LRCH4: variants seen among roughly 807,000 people sequenced by gnomAD.
LRCH4 encodes the protein leucine-rich repeat and calponin homology domain-containing protein 4.
A neutral mutation model predicts 81.2 loss-of-function variants in LRCH4; 56 were observed. That is an observed-to-expected ratio of 0.69 (90% confidence interval 0.56 to 0.86). The LOEUF (loss-of-function observed/expected upper bound fraction) is 0.86, where lower values mean the gene tolerates loss of function less well. Ranked by LOEUF, LRCH4 falls within the 40% of genes least tolerant of loss-of-function variation. The probability of loss-of-function intolerance (pLI) is 0.00; values close to 1 mark genes in which losing one functional copy is unlikely to be tolerated. For missense variants in LRCH4, 895 were observed against 922.8 expected (o/e 0.97, Z 0.39); for synonymous variants, 442 against 409.7 (o/e 1.08, Z -0.95).
Position 100,577,700 on chromosome 7 carries a change from A to T in LRCH4, c.1080T>A (p.His360Gln), listed in dbSNP as rs1801417290. Residue 360 changes from histidine (H) to glutamine (Q), a missense_variant, in exon 9 of 18, where the codon CAT becomes CAA. Physicochemically the swap from His to Gln is conservative, Grantham distance 24 (BLOSUM62 0). Around this residue, in one of 3 missense-constraint regions of LRCH4, gnomAD observed 529 missense variants for 504.9 expected, o/e 1.05. Transcript: ENST00000310300. This position sits in a 1 kb window ranked among gnomAD's most constrained non-coding sequence, Gnocchi z 6.7. ...DPVQIDFIDSHVPGEDEERGT... is the reference protein window; with the variant it reads ...DPVQIDFIDSQVPGEDEERGT... The stretch of plus-strand genomic sequence containing the variant: ...CTCGCTCTTCATCCTCCCCGGGGAC[A>T]TGGCTGTCGATGAAGTCAATCTGCA... 1 of 1,613,990 alleles carries T rather than the reference A, an allele frequency of 6.2e-7. No homozygotes were observed. The highest frequency in any genetic ancestry group is 1.1e-5 in the South Asian group (1 of 91,082).
chr7:100,574,229 G>A lies in LRCH4; in HGVS notation c.*878C>T. Reference sequence around the variant, plus strand: ...GCTCCCGGGGTCCCGGGCGGGGTGGGCCCTGTGCCCCCACCTTCACCCCTA... The same window carrying A: ...GCTCCCGGGGTCCCGGGCGGGGTGGACCCTGTGCCCCCACCTTCACCCCTA... On this transcript the variant is annotated 3_prime_UTR_variant, in exon 18 of 18. Transcript: ENST00000310300. 5.5e-6 allele frequency: 1 copy of A among 181,512 alleles called. No homozygotes were observed. The highest frequency in any genetic ancestry group is 7.0e-5 in the South Asian group (1 of 14,236). 11.2% of individuals were successfully genotyped at this position (181,512 alleles called of 1,614,324 possible).
At chr7:100,576,370 G>A (rs1562804909) in intron 14 of LRCH4, 47 bp from the exon 15 acceptor site, 3 of 1,394,932 alleles carry the variant, frequency 2.2e-6, no homozygotes, top group Non-Finnish European at 3.0e-6. Context: ...GCTCACCACT[G>A]ACTCTGTAGC....
At chr7:100,584,870 T>A (rs1801676489) in intron 1 of LRCH4, 1 of 432,838 alleles carries the variant, frequency 2.3e-6, no homozygotes. Flanking sequence ...GGAAGAGGCC[T>A]GGGCTGGGGT....
In LRCH4 at chr7:100,578,919, C is replaced by A; in HGVS notation, c.599-133G>T. On this transcript the variant is annotated intron_variant, in intron 4 of 17. Transcript: ENST00000310300. This position sits in a 1 kb window ranked among gnomAD's most constrained non-coding sequence, Gnocchi z 5.7. ...AGCCTCTCCCCTGGGTGGCTCAAGT[C>A]ATTCCCCGGGAGAAACCTCCCTGCT... The A allele has an allele frequency of 1.1e-6, 1 of 918,458 alleles. No homozygotes were observed. The highest frequency in any genetic ancestry group is 1.7e-5 in the South Asian group (1 of 58,580). 56.9% of individuals were successfully genotyped at this position (918,458 alleles called of 1,614,324 possible).
Position 100,578,468 on chromosome 7 carries a change from G to C in LRCH4, c.779C>G (p.Thr260Arg). The change falls in exon 6 of 18, where the codon ACA becomes AGA. Residue 260 changes from threonine to arginine, a missense_variant. Physicochemically the swap from Thr to Arg is moderately conservative, Grantham distance 71. This residue lies in a region of LRCH4 where 360 missense variants were observed against 397.0 expected (regional missense o/e 0.91). Coordinates refer to ENST00000310300, the MANE Select transcript of LRCH4 (RefSeq NM_002319.5). The surrounding 1 kb of genome is among the most constrained non-coding windows in gnomAD (Gnocchi z 5.7). ...GGCCGACCCACGCTGCCCGGCCTCT[G>C]TGGACAAATACTTGAAGATGTGAAG... Reference protein sequence around the residue: ...GKLHIFKYLSTEAGQRGSALG... With the variant: ...GKLHIFKYLSREAGQRGSALG... The C allele has an allele frequency of 6.2e-7, 1 of 1,614,102 alleles. No individual in the cohort carries two copies. Among genetic ancestry groups the C allele is most frequent in the Non-Finnish European group, 8.5e-7 (1 of 1,180,008 alleles).
At position 100,582,212 on chromosome 7, in the gene LRCH4, A is replaced by G; in HGVS notation, c.366-45T>C. The G allele has an allele frequency of 6.2e-7, 1 of 1,613,294 alleles. No homozygotes were observed. Among genetic ancestry groups the G allele is most frequent in the Non-Finnish European group, 8.5e-7 (1 of 1,179,838 alleles). ...AGCGGACTGGCTCCCCAGGCATGGC[A>G]TCCCAGCACTGCCATCCTCTCGGGG... On this transcript the variant is annotated intron_variant, in intron 2 of 17. Coordinates refer to ENST00000310300, the MANE Select transcript of LRCH4 (RefSeq NM_002319.5). This position sits in a 1 kb window ranked among gnomAD's most constrained non-coding sequence, Gnocchi z 5.0.
rs998856354 is a variant in LRCH4 at position 100,582,245 on chromosome 7, G to A, written c.365+70C>T. On this transcript the variant is annotated intron_variant, in intron 2 of 17. Transcript: ENST00000310300. The surrounding 1 kb of genome is among the most constrained non-coding windows in gnomAD (Gnocchi z 5.0). Reference sequence around the variant, plus strand: ...ACTGCCATCCTCTCGGGGTCACTGGGTGGGTCACTCAGTAGTACTTGAGAC... The same window carrying A: ...ACTGCCATCCTCTCGGGGTCACTGGATGGGTCACTCAGTAGTACTTGAGAC... 200 of 1,613,414 alleles carry A rather than the reference G, an allele frequency of 1.2e-4. No individual in the cohort carries two copies. Among genetic ancestry groups the A allele is most frequent in the Middle Eastern group, 3.3e-4 (2 of 6,072 alleles).
rs1372110227 is a variant in LRCH4, at chr7:100,583,391, C to T, written c.221-932G>A. Among the ~76,000 whole-genome samples the T allele has an allele frequency of 6.6e-6, 1 of 152,168 alleles. No individual in the cohort carries two copies. The highest frequency in any genetic ancestry group is 2.1e-4 in the South Asian group (1 of 4,836). On this transcript the variant is annotated intron_variant, in intron 1 of 17. Coordinates refer to ENST00000310300, the MANE Select transcript of LRCH4 (RefSeq NM_002319.5). This position sits in a 1 kb window ranked among gnomAD's most constrained non-coding sequence, Gnocchi z 4.3. Reference sequence around the variant, plus strand: ...ATTCCCTGTAGCACGGACCCACTAACGGCTTAGACCTGGAGAAGCCTGCCT... The same window carrying T: ...ATTCCCTGTAGCACGGACCCACTAATGGCTTAGACCTGGAGAAGCCTGCCT...
chr7:100,580,850 CACA>C (rs2131198956), intron 4 of LRCH4: 1 of 152,156 alleles, frequency 6.6e-6, no homozygotes, highest in East Asian at 1.9e-4. Flanking sequence ...CATGCACAGA[CACA>C]ACACACACAT....
rs34440977 is a variant in LRCH4 at position 100,582,437 on chromosome 7, G to A, written c.243C>T (p.Pro81=). The A allele has an allele frequency of 0.063, 101,644 of 1,611,158 alleles. 3,487 individuals are homozygous for A. Among genetic ancestry groups the A allele is most frequent in the Middle Eastern group, 0.071 (426 of 6,038 alleles). The part of the protein sequence containing the change: ...TQADLSRNRF[P]EVPEAACQLV... ...GCTGGCACGCCGCCTCGGGCACCTC[G>A]GGAAACCGGTTCCGGGACAGGTCTG... The change falls in exon 2 of 18, where the codon CCC becomes CCT. Residue 81 remains proline, a synonymous_variant. Coordinates refer to ENST00000310300, the MANE Select transcript of LRCH4 (RefSeq NM_002319.5). The surrounding 1 kb of genome is among the most constrained non-coding windows in gnomAD (Gnocchi z 5.0).
rs1801311287 is a variant in LRCH4, at chr7:100,575,280, G to C, written c.1879C>G (p.Leu627Val). The C allele has an allele frequency of 1.9e-6, 3 of 1,563,524 alleles. No individual in the cohort carries two copies. The highest frequency in any genetic ancestry group is 8.7e-7 in the Non-Finnish European group (1 of 1,152,206). The stretch of plus-strand genomic sequence containing the variant: ...AGCCCCCGGGCAGTGCCCTGGAGGA[G>C]ATCCGAGGGCGAGCACAGGTCAGCC... ...PEADLCSPSD[L>V]LQGTARGLRT... is the part of the protein sequence containing the mutation. The change falls in exon 18 of 18, where the codon CTC (leucine) becomes GTC (valine). Residue 627 changes from leucine to valine, a missense_variant. Transcript: ENST00000310300. The surrounding 1 kb of genome is among the most constrained non-coding windows in gnomAD (Gnocchi z 5.3).
At chr7:100,580,437 CACACACACA>C (rs1335167906) in intron 4 of LRCH4, 1 of 152,056 alleles carries the variant, frequency 6.6e-6, no homozygotes, top group African/African-American at 2.4e-5. Flanking sequence ...CACACACACA[CACACACACA>C]AAACCCACAC....
rs1801577835 is a variant in LRCH4, at chr7:100,582,105, A to G, written c.428T>C (p.Val143Ala). 6.2e-7 allele frequency: 1 copy of G among 1,612,286 alleles called. No homozygotes were observed. The highest frequency in any genetic ancestry group is 1.7e-5 in the Admixed American group (1 of 59,872). The part of the protein sequence containing the change: ...ICQLPLRVLI[V>A]SNNKLGALPP... ...CAGGGCTCCCAGCTTGTTGTTGCTG[A>G]CGATGAGGACCCTCAGGGGCAGCTG... Residue 143 changes from valine (V) to alanine (A), a missense_variant, in exon 3 of 18, where the codon GTC (valine) becomes GCC (alanine). By Grantham distance (64) the Val-to-Ala change is moderately conservative. Transcript: ENST00000310300. The surrounding 1 kb of genome is among the most constrained non-coding windows in gnomAD (Gnocchi z 5.0).
At chr7:100,576,582 C>T (rs1029364749) in intron 14 of LRCH4, 112 bp downstream of exon 14, 64 of 962,942 alleles carry the variant, frequency 6.6e-5, no homozygotes, top group Admixed American at 3.5e-4. Context: ...GGATTTTCAA[C>T]GCAAAGGTAC....
At chr7:100,585,791 G>A (rs1454302545) in intron 1 of LRCH4, 90 bp downstream of exon 1, 2 of 1,362,990 alleles carry the variant, frequency 1.5e-6, no homozygotes, top group Non-Finnish European at 1.9e-6. Context: ...CCAGGTGAAG[G>A]GGCGGGCCCG....
At chr7:100,579,534 T>A (rs1801468680) in intron 4 of LRCH4, 1 of 150,668 alleles carries the variant, frequency 6.6e-6, no homozygotes, top group Admixed American at 6.6e-5. Flanking sequence ...GAGGCGGAGC[T>A]TGCAGTGAGC....
chr7:100,578,249 C>A lies in LRCH4; in HGVS notation c.858G>T (p.Glu286Asp). The A allele has an allele frequency of 6.2e-7, 1 of 1,614,200 alleles. No individual in the cohort carries two copies. The highest frequency in any genetic ancestry group is 1.6e-4 in the Middle Eastern group (1 of 6,062). The change falls in exon 7 of 18, where the codon GAG (glutamate) becomes GAT (aspartate). Residue 286 changes from glutamate (E) to aspartate (D), a missense_variant. Glu to Asp is a conservative substitution (Grantham distance 45). This residue lies in a region of LRCH4 where 360 missense variants were observed against 397.0 expected (regional missense o/e 0.91). Transcript: ENST00000310300. This position sits in a 1 kb window ranked among gnomAD's most constrained non-coding sequence, Gnocchi z 5.7. ...CGTACCGATGTCCCGGAAATAGATC[C>A]TCTGCAGGGCTGGGGCCAGCCAGGC... Reference protein sequence around the residue: ...RPPSFSPCPAEDLFPGHRYDG... With the variant: ...RPPSFSPCPADDLFPGHRYDG...
At position 100,575,998 on chromosome 7, in the gene LRCH4, G is replaced by A. The variant is rs1801345758; in HGVS notation, c.1649C>T (p.Ser550Phe). 1 of 1,604,650 alleles carries A rather than the reference G, an allele frequency of 6.2e-7. No individual in the cohort carries two copies. The highest frequency in any genetic ancestry group is 2.2e-5 in the East Asian group (1 of 44,792). Residue 550 changes from serine (S) to phenylalanine (F), a missense_variant, in exon 16 of 18, where the codon TCC (serine) becomes TTC (phenylalanine). Ser to Phe is a radical substitution (Grantham distance 155). Around this residue, in one of 3 missense-constraint regions of LRCH4, gnomAD observed 529 missense variants for 504.9 expected, o/e 1.05. Transcript: ENST00000310300. This position sits in a 1 kb window ranked among gnomAD's most constrained non-coding sequence, Gnocchi z 5.3. ...LMTQLRQVLE[S>F]RLQRPLPEDL... ...CTCAGGCAGGGGCCGCTGCAGCCGGGACTCAAGGACCTGGCAGTGTAGACC... is the reference window on the plus strand; with the variant it reads ...CTCAGGCAGGGGCCGCTGCAGCCGGAACTCAAGGACCTGGCAGTGTAGACC...
chr7:100,578,385 C>G lies in LRCH4; in HGVS notation c.848+14G>C, dbSNP rs749015441. On this transcript the variant is annotated intron_variant, in intron 6 of 17. Coordinates refer to ENST00000310300, the MANE Select transcript of LRCH4 (RefSeq NM_002319.5). The surrounding 1 kb of genome is among the most constrained non-coding windows in gnomAD (Gnocchi z 5.7). The stretch of plus-strand genomic sequence containing the variant: ...AGTATCCCAGGGCTTCCTTCCTCCC[C>G]ACCTAGGACTTACCAGGGACTGAAA... 4.0e-5 allele frequency: 64 copies of G among 1,611,748 alleles called. No homozygotes were observed. The highest frequency in any genetic ancestry group is 5.3e-5 in the Non-Finnish European group (63 of 1,178,452).
Sources: gnomAD v4.1 joint callset for allele counts (sites outside exome capture counted in the v4.1 genomes callset) on GRCh38, gnomAD v4.1.1 for gene constraint, gnomAD v4.1.1 regional missense constraint, Gnocchi (gnomAD v3.1) non-coding constraint, MANE v1.5 for transcripts, NCBI Gene and HGNC (gene_info 2026-07-23, HGNC 2026-07-21) for gene names.